The following DUT variants were observed in gnomAD, a reference collection of about 807,000 sequenced individuals.
The protein encoded by DUT is deoxyuridine triphosphatase, also known as deoxyuridine 5'-triphosphate nucleotidohydrolase, mitochondrial.
DUT carries 21 observed loss-of-function variants against 28.8 expected under a neutral mutation model. The observed-to-expected ratio is 0.73, with a 90% CI of 0.52 to 1.05. DUT has a LOEUF of 1.05. Among genes scored for constraint, DUT ranks in the 50% least tolerant of loss-of-function variants. DUT has a pLI of 0.00. For missense variants in DUT, 344 were observed against 351.8 expected (o/e 0.98, Z 0.18); for synonymous variants, 147 against 143.7 (o/e 1.02, Z -0.17).
upstream of DUT, chr15:48,331,387 C>A (rs2042405341): frequency 6.7e-7 from 1 of 1,485,462 alleles, no homozygotes; most frequent in Non-Finnish European, 8.9e-7. Context: ...CGCCTCTCCA[C>A]GCCCCTCGTC....
At chr15:48,335,367 T>A (rs997592304) in intron 3 of DUT, among the ~76,000 whole-genome samples, 4 of 152,258 alleles carry the variant, frequency 2.6e-5, no homozygotes, top group African/African-American at 9.6e-5. Flanking sequence ...TTTTTTTCAT[T>A]TTTTAGGATT....
chr15:48,341,804 C>G, intron 6 of DUT: 4 of 566,636 alleles, frequency 7.1e-6, no homozygotes, highest in Non-Finnish European at 9.2e-6. Context: ...TTTAAACATA[C>G]TGTGAACTTC....
chr15:48,332,334 T>C lies in DUT; in HGVS notation c.347T>C (p.Phe116Ser), dbSNP rs773422163. 1 of 1,607,796 alleles carries C rather than the reference T, an allele frequency of 6.2e-7. No homozygotes were observed. Among genetic ancestry groups the C allele is most frequent in the South Asian group, 1.1e-5 (1 of 90,672 alleles). The stretch of plus-strand genomic sequence containing the variant: ...GAGGTGGGCGGCATGCAGCTCCGCT[T>C]TGCCCGGCTCTCCGAGCACGCCACG... ...PAEVGGMQLR[F>S]ARLSEHATAP... Residue 116 changes from phenylalanine to serine, a missense_variant, in exon 2 of 7, where the codon TTT (phenylalanine) becomes TCT (serine). Transcript: ENST00000331200.
intron 2 of DUT, chr15:48,332,684 A>T (rs1468034954): frequency 1.6e-6 from 1 of 637,642 alleles, no homozygotes; most frequent in Non-Finnish European, 2.9e-6. Context: ...AGGAAGGCCC[A>T]TGGTGGCTTT....
In DUT at chr15:48,336,079, T is replaced by C; in HGVS notation, c.545T>C (p.Ile182Thr). ...TCAGGCTTGGCTGCAAAACACTTTA[T>C]TGATGTAGGAGGTAATATATTTCCT... ...PRSGLAAKHFIDVGAGVIDED... is the reference protein window; with the variant it reads ...PRSGLAAKHFTDVGAGVIDED... Residue 182 changes from isoleucine (I) to threonine (T), a missense_variant, in exon 4 of 7, where the codon ATT (isoleucine) becomes ACT (threonine). Physicochemically the swap from Ile to Thr is moderately conservative, Grantham distance 89 (BLOSUM62 -1). Transcript: ENST00000331200. 1.2e-6 allele frequency: 2 copies of C among 1,603,398 alleles called. No individual in the cohort carries two copies. Among genetic ancestry groups the C allele is most frequent in the Non-Finnish European group, 1.7e-6 (2 of 1,177,442 alleles).
chr15:48,335,142 C>T (rs1429443375), intron 3 of DUT, among the ~76,000 whole-genome samples: 1 of 152,200 alleles, frequency 6.6e-6, no homozygotes, highest in African/African-American at 2.4e-5. Context: ...GGGCTCTCAT[C>T]TCATCTCTTG....
At chr15:48,340,222 T>A (rs1405473675) in intron 4 of DUT, 2 of 152,164 alleles carry the variant, frequency 1.3e-5, no homozygotes, top group Non-Finnish European at 2.9e-5. Context: ...CACGTGAGTC[T>A]TATCCAGCCT....
At chr15:48,332,183 C>G (rs974322674) in intron 1 of DUT, 85 bp from the exon 2 acceptor site, 4 of 1,487,600 alleles carry the variant, frequency 2.7e-6, no homozygotes, top group Admixed American at 2.3e-5. Context: ...GGCGCGCTCC[C>G]TGCGGCGACG....
Position 48,341,522 on chromosome 15 carries a change from A to G in DUT, c.639A>G (p.Lys213=). Residue 213 remains lysine (K), a synonymous_variant, in exon 6 of 7, where the codon AAA becomes AAG. Coordinates refer to ENST00000331200, the MANE Select transcript of DUT (RefSeq NM_001025248.2). ...ACTATTCTTTCTTTGAAGTCAAAAAAGGTGATCGAATTGCACAGCTCATTT... is the reference window on the plus strand; with the variant it reads ...ACTATTCTTTCTTTGAAGTCAAAAAGGGTGATCGAATTGCACAGCTCATTT... ...NFGKEKFEVK[K]GDRIAQLICE... 2 of 1,613,042 alleles carry G rather than the reference A, an allele frequency of 1.2e-6. 1 individual carries two copies. The highest frequency in any genetic ancestry group is 4.5e-5 in the East Asian group (2 of 44,778).
chr15:48,343,295 C>A lies in DUT; in HGVS notation c.*1217C>A, dbSNP rs1318062988. On this transcript the variant is annotated 3_prime_UTR_variant, in exon 7 of 7. Coordinates refer to ENST00000331200, the MANE Select transcript of DUT (RefSeq NM_001025248.2). The stretch of plus-strand genomic sequence containing the variant: ...ATGAAATCAACTCAGTGGGACATAG[C>A]CAGCATTTTTGCATACCAGGTTGGG... The A allele has an allele frequency of 6.6e-6, 1 of 152,138 alleles. No homozygotes were observed. The highest frequency in any genetic ancestry group is 1.5e-5 in the Non-Finnish European group (1 of 68,026). The allele number at this position is 152,138 out of a possible 1,614,324, so 9.4% of individuals were successfully genotyped here.
At chr15:48,341,645 A>G (rs2042536503) in intron 6 of DUT, 60 bp downstream of exon 6, 1 of 1,359,320 alleles carries the variant, frequency 7.4e-7, no homozygotes, top group Non-Finnish European at 1.0e-6. Flanking sequence ...GAAGAAATAT[A>G]TATAATCTTG....
chr15:48,336,209 G>A (rs1468071735), intron 4 of DUT, 119 bp downstream of exon 4: 5 of 768,778 alleles, frequency 6.5e-6, no homozygotes, highest in Non-Finnish European at 1.9e-6. Flanking sequence ...AGGAAAGCTT[G>A]TTATAATAGG....
rs145253478 is a variant in DUT at position 48,334,581 on chromosome 15, G to A, written c.511+73G>A. ...GATAGATTCTTCATGTTTCATTTGG[G>A]GTAATAAGCAGGCAATATTGCTTGG... On this transcript the variant is annotated intron_variant, in intron 3 of 6. Transcript: ENST00000331200. The A allele has an allele frequency of 3.1e-3, 3,627 of 1,162,582 alleles. 8 individuals are homozygous for A. The highest frequency in any genetic ancestry group is 3.9e-3 in the Non-Finnish European group (3,047 of 790,414). The allele number at this position is 1,162,582 out of a possible 1,614,324, so 72.0% of individuals were successfully genotyped here.
chr15:48,334,927 G>A (rs1344478410), intron 3 of DUT, among the ~76,000 whole-genome samples: 1 of 152,198 alleles, frequency 6.6e-6, no homozygotes, highest in Non-Finnish European at 1.5e-5. Flanking sequence ...CACGTCAACA[G>A]GTTTGATTTT....
Position 48,332,993 on chromosome 15 carries a change from C to A in DUT, c.419+587C>A, listed in dbSNP as rs965061557. On this transcript the variant is annotated intron_variant, in intron 2 of 6. Coordinates refer to ENST00000331200, the MANE Select transcript of DUT (RefSeq NM_001025248.2). ...TTAACTAGATAAGTGTTACTTTTTA[C>A]ACAGGCAGGAGTTTGTGAAGAGCTG... Among the ~76,000 whole-genome samples, 8 of 152,140 alleles carry A rather than the reference C, an allele frequency of 5.3e-5. No individual in the cohort carries two copies. In the South Asian group the frequency reaches 1.2e-3, roughly 24 times the overall value.
rs975947001 is a variant in DUT, at chr15:48,331,532, C to T, written c.17C>T (p.Pro6Leu). ...CTGGGGGAAATGACTCCCCTCTGCC[C>T]TCGCCCCGCGCTCTGCTACCATTTC... MTPLC[P>L]RPALCYHFLT... is the part of the protein sequence containing the mutation. Residue 6 changes from proline to leucine, a missense_variant, in exon 1 of 7, where the codon CCT becomes CTT. Physicochemically the swap from Pro to Leu is moderately conservative, Grantham distance 98. Transcript: ENST00000331200. 1.2e-6 allele frequency: 2 copies of T among 1,611,654 alleles called. No homozygotes were observed. Among genetic ancestry groups the T allele is most frequent in the Admixed American group, 1.7e-5 (1 of 59,942 alleles).
chr15:48,332,244 G>C, intron 1 of DUT, 24 bp from the exon 2 acceptor site: 1 of 1,582,666 alleles, frequency 6.3e-7, no homozygotes, highest in Non-Finnish European at 8.6e-7. Flanking sequence ...TCGCCTTCTG[G>C]CTCTGCCATG....
rs1484573675 is a variant in DUT, at chr15:48,332,316, G to A, written c.329G>A (p.Gly110Asp). The A allele has an allele frequency of 4.4e-6, 7 of 1,608,846 alleles. No individual in the cohort carries two copies. Among genetic ancestry groups the A allele is most frequent in the Non-Finnish European group, 5.9e-6 (7 of 1,178,388 alleles). Residue 110 changes from glycine to aspartate, a missense_variant, in exon 2 of 7, where the codon GGC (glycine) becomes GAC (aspartate). Gly to Asp is a moderately conservative substitution (Grantham distance 94). Coordinates refer to ENST00000331200, the MANE Select transcript of DUT (RefSeq NM_001025248.2). ...PSKRARPAEV[G>D]GMQLRFARLS... ...AAGCGGGCCCGGCCTGCGGAGGTGG[G>A]CGGCATGCAGCTCCGCTTTGCCCGG...
intron 2 of DUT, chr15:48,332,697 AGTGGCCCGAGG>A (rs1374348233): frequency 3.2e-6 from 2 of 615,640 alleles, no homozygotes; most frequent in South Asian, 3.0e-5. Context: ...GTGGCTTTCG[AGTGGCCCGAGG>A]GTGATGCTGT....
Sources: allele counts gnomAD v4.1 joint callset (sites outside exome capture counted in the v4.1 genomes callset), GRCh38; gene constraint gnomAD v4.1.1; transcripts MANE v1.5; gene names NCBI Gene and HGNC (gene_info 2026-07-23, HGNC 2026-07-21).